DIP2C: variants seen among roughly 807,000 people sequenced by gnomAD.
The protein encoded by DIP2C is DIP2 acetate--CoA ligase C (putative), also known as disco-interacting protein 2 homolog C.
A neutral mutation model predicts 192.4 loss-of-function variants in DIP2C; 33 were observed. The observed-to-expected ratio is 0.17, with a 90% CI of 0.13 to 0.23. DIP2C has a LOEUF of 0.23. Ranked by LOEUF, DIP2C falls within the 10% of genes least tolerant of loss-of-function variation. DIP2C has a pLI of 1.00. For missense variants in DIP2C, 1,537 were observed against 2,110.1 expected (o/e 0.73, Z 5.32); for synonymous variants, 979 against 864.1 (o/e 1.13, Z -2.33).
At chr10:647,580 C>T (rs1313599443) in intron 1 of DIP2C, among the ~76,000 whole-genome samples, 26 of 113,550 alleles carry the variant, frequency 2.3e-4, no homozygotes, top group Admixed American at 4.5e-4. Flanking sequence ...CCACATTTGA[C>T]GGTGGGAGAG....
chr10:505,495 A>G (rs1845534926), intron 1 of DIP2C, among the ~76,000 whole-genome samples: 1 of 152,150 alleles, frequency 6.6e-6, no homozygotes, highest in South Asian at 2.1e-4. Context: ...TCCTGGCAAT[A>G]AACAACCTGC....
intron 3 of DIP2C, among the ~76,000 whole-genome samples, chr10:454,053 T>TA (rs1969078929): frequency 6.6e-6 from 1 of 152,174 alleles, no homozygotes; most frequent in African/African-American, 2.4e-5. Context: ...AAGAAGGCAA[T>TA]AAAGGGTGAA....
chr10:384,232 GA>G, intron 15 of DIP2C, 86 bp from the exon 16 acceptor site: 1 of 1,502,356 alleles, frequency 6.7e-7, no homozygotes, highest in Non-Finnish European at 8.9e-7. Flanking sequence ...GAGTAGTGGG[GA>G]AGGGTGAAGA....
rs890995411 is a variant in DIP2C at position 295,508 on chromosome 10, C to T, written c.3987-7087G>A. 1.8e-4 allele frequency among the ~76,000 whole-genome samples: 22 copies of T among 120,998 alleles called. No individual in the cohort carries two copies. In the Admixed American group the frequency reaches 2.3e-3, roughly 13 times the overall value. The allele number at this position is 120,998 out of a possible 152,430, so 79.4% of individuals were successfully genotyped here. ...CCCGGGAGGCGGAGCTTGCAGTGAGCCGAGATAGCGCCACTGCAGTCCCAC... is the reference window on the plus strand; with the variant it reads ...CCCGGGAGGCGGAGCTTGCAGTGAGTCGAGATAGCGCCACTGCAGTCCCAC... On this transcript the variant is annotated intron_variant, in intron 32 of 36. Transcript: ENST00000280886.
chr10:305,698 G>A (rs1303726588), intron 32 of DIP2C, among the ~76,000 whole-genome samples: 1 of 152,158 alleles, frequency 6.6e-6, no homozygotes, highest in African/African-American at 2.4e-5. Flanking sequence ...AGGCTGGAGT[G>A]CAGCGGTGTG....
chr10:599,441 C>A (rs1468306186), intron 1 of DIP2C, among the ~76,000 whole-genome samples: 1 of 152,196 alleles, frequency 6.6e-6, no homozygotes, highest in South Asian at 2.1e-4. Flanking sequence ...ACAACTGAAC[C>A]CTTACTAGAC....
chr10:478,496 A>C (rs540550701), intron 2 of DIP2C, among the ~76,000 whole-genome samples: 212 of 151,266 alleles, frequency 1.4e-3, no homozygotes, highest in African/African-American at 4.8e-3. Context: ...AGATGCACCC[A>C]AATTCCCATC....
intron 5 of DIP2C, among the ~76,000 whole-genome samples, chr10:420,346 G>A (rs4881278): frequency 0.41 from 62,568 of 152,134 alleles, 13,352 homozygotes; most frequent in African/African-American, 0.5. Flanking sequence ...CCCTCCTGAC[G>A]GTGTCAGTCC....
At chr10:373,593 T>G (rs1961236062) in intron 17 of DIP2C, among the ~76,000 whole-genome samples, 1 of 152,146 alleles carries the variant, frequency 6.6e-6, no homozygotes, top group Non-Finnish European at 1.5e-5. Context: ...CACCAAGCTC[T>G]GTGCTAAAGG....
chr10:549,380 T>C (rs1457987272), intron 1 of DIP2C, among the ~76,000 whole-genome samples: 1 of 152,012 alleles, frequency 6.6e-6, no homozygotes, highest in Admixed American at 6.5e-5. Flanking sequence ...AAGCACCAAG[T>C]ACAGCCTGAG....
At chr10:327,305 C>G in intron 30 of DIP2C, 129 bp from the exon 31 acceptor site, 1 of 996,534 alleles carries the variant, frequency 1.0e-6, no homozygotes, top group Non-Finnish European at 1.4e-6. Flanking sequence ...TCCAGGGCCA[C>G]CTGTGTCCAC....
At chr10:519,703 C>T (rs1333448662) in intron 1 of DIP2C, among the ~76,000 whole-genome samples, 1 of 152,266 alleles carries the variant, frequency 6.6e-6, no homozygotes, top group Non-Finnish European at 1.5e-5. Context: ...CTCTCAAGGG[C>T]GCACCTGAGC....
chr10:372,236 A>G (rs941925769), intron 17 of DIP2C, among the ~76,000 whole-genome samples: 3 of 152,066 alleles, frequency 2.0e-5, no homozygotes, highest in Non-Finnish European at 2.9e-5. Flanking sequence ...CACCACAGCC[A>G]GTTAATTTTT....
rs148498259 is a variant in DIP2C at position 487,985 on chromosome 10, G to A, written c.86-1455C>T. Among the ~76,000 whole-genome samples the A allele has an allele frequency of 2.7e-3, 405 of 152,326 alleles. 1 individual carries two copies. Among genetic ancestry groups the A allele is most frequent in the African/African-American group, 8.6e-3 (356 of 41,576 alleles). On this transcript the variant is annotated intron_variant, in intron 1 of 36. Transcript: ENST00000280886. ...GCCATCAGCTGCCCACTACGGAGAC[G>A]CTCAGTTGCTTTTGGAAATGCCTTG... is the stretch of plus-strand genomic sequence containing the variant.
intron 29 of DIP2C, among the ~76,000 whole-genome samples, chr10:338,938 G>A (rs545416481): frequency 5.6e-5 from 8 of 142,818 alleles, no homozygotes; most frequent in South Asian, 4.7e-4. Context: ...CACCCTGCCT[G>A]GCTCCCACAA....
chr10:291,014 G>T (rs998045511), intron 32 of DIP2C, among the ~76,000 whole-genome samples: 6 of 151,434 alleles, frequency 4.0e-5, no homozygotes, highest in African/African-American at 1.5e-4. Flanking sequence ...CCAGGGCTCT[G>T]CCAGGCAGGG....
At chr10:546,277 T>TCTTAAAA (rs1554897208) in intron 1 of DIP2C, among the ~76,000 whole-genome samples, 37 of 109,418 alleles carry the variant, frequency 3.4e-4, no homozygotes, top group South Asian at 1.9e-3. Context: ...GCAAGACTCT[T>TCTTAAAA]AAAAAAAAAA....
chr10:630,764 A>G (rs1257946605), intron 1 of DIP2C: 1 of 152,304 alleles, frequency 6.6e-6, no homozygotes, highest in Non-Finnish European at 1.5e-5. Flanking sequence ...CTAGGGGGAC[A>G]AACAACGAGA....
intron 1 of DIP2C, among the ~76,000 whole-genome samples, chr10:539,598 G>T (rs1020092852): frequency 6.6e-6 from 1 of 152,126 alleles, no homozygotes; most frequent in Non-Finnish European, 1.5e-5. Flanking sequence ...AAAAAGTTAT[G>T]TACTAAATCT....
Sources: gnomAD v4.1 joint callset for allele counts (sites outside exome capture counted in the v4.1 genomes callset) on GRCh38, gnomAD v4.1.1 for gene constraint, MANE v1.5 for transcripts, NCBI Gene and HGNC (gene_info 2026-07-23, HGNC 2026-07-21) for gene names.